ARL15: variants seen among roughly 807,000 people sequenced by gnomAD.
ARL15 encodes ADP-ribosylation factor-like protein 15.
Under a neutral mutation model 25.2 loss-of-function variants are expected in ARL15, and 19 were observed. The ratio of observed to expected loss-of-function variants is 0.75; its 90% CI spans 0.53 to 1.10. The LOEUF is 1.10. ARL15 is among the 50% of genes least tolerant of loss of function. The pLI is 0.00. For synonymous variants in ARL15, 94 were observed against 86.8 expected (o/e 1.08, Z -0.46); for missense variants, 220 against 246.0 (o/e 0.89, Z 0.71).
chr5:54,162,024 CAG>C (rs5867916), intron 2 of ARL15, among the ~76,000 whole-genome samples: 41 of 145,338 alleles, frequency 2.8e-4, no homozygotes, highest in Admixed American at 1.3e-3. Context: ...CACACACACA[CAG>C]AGAGAGATAC....
chr5:54,239,474 C>A (rs1340675633), intron 1 of ARL15, among the ~76,000 whole-genome samples: 1 of 152,128 alleles, frequency 6.6e-6, no homozygotes, highest in Non-Finnish European at 1.5e-5. Context: ...TCTGGATTGG[C>A]ATAAGGGAGT....
At chr5:54,132,457 A>C (rs1469507419) in intron 3 of ARL15, among the ~76,000 whole-genome samples, 1 of 152,184 alleles carries the variant, frequency 6.6e-6, no homozygotes, top group Non-Finnish European at 1.5e-5. Context: ...TTTCACTAAA[A>C]ACAGTCATAT....
chr5:54,158,624 C>T (rs1654129738), intron 2 of ARL15, among the ~76,000 whole-genome samples: 1 of 152,196 alleles, frequency 6.6e-6, no homozygotes, highest in African/African-American at 2.4e-5. Context: ...CCTGTAATCC[C>T]AGCACTTTGG....
At chr5:54,015,307 A>C (rs1489287418) in intron 4 of ARL15, among the ~76,000 whole-genome samples, 1 of 150,326 alleles carries the variant, frequency 6.7e-6, no homozygotes, top group East Asian at 2.0e-4. Context: ...AAAAAAAAAC[A>C]AAAACAAAAA....
chr5:54,060,147 A>AAAAC (rs1163754482), intron 4 of ARL15, among the ~76,000 whole-genome samples: 15 of 150,618 alleles, frequency 1.0e-4, no homozygotes, highest in African/African-American at 3.7e-4. Flanking sequence ...AAAAAAAAAA[A>AAAAC]AAAAACCCCG....
At chr5:53,926,282 A>G (rs963802005) in intron 4 of ARL15, among the ~76,000 whole-genome samples, 1 of 152,150 alleles carries the variant, frequency 6.6e-6, no homozygotes, top group Non-Finnish European at 1.5e-5. Flanking sequence ...TTACTAGATC[A>G]TAGAAGTCAG....
chr5:54,133,070 C>T (rs1753485718), intron 3 of ARL15, among the ~76,000 whole-genome samples: 1 of 152,228 alleles, frequency 6.6e-6, no homozygotes, highest in Non-Finnish European at 1.5e-5. Context: ...TATCAAGAGC[C>T]TTACGATGTT....
intron 1 of ARL15, among the ~76,000 whole-genome samples, chr5:54,266,544 T>C (rs1561288508): frequency 6.6e-6 from 1 of 152,180 alleles, no homozygotes; most frequent in African/African-American, 2.4e-5. Flanking sequence ...GTGGTTTAAG[T>C]GGGTTCCTGT....
intron 1 of ARL15, among the ~76,000 whole-genome samples, chr5:54,226,178 G>A (rs1037669762): frequency 3.3e-5 from 5 of 152,178 alleles, no homozygotes; most frequent in African/African-American, 9.7e-5. Flanking sequence ...CAGCTGACAC[G>A]GTGGACTGGG....
At chr5:54,272,569 A>G (rs1757817189) in intron 1 of ARL15, among the ~76,000 whole-genome samples, 1 of 152,088 alleles carries the variant, frequency 6.6e-6, no homozygotes, top group Non-Finnish European at 1.5e-5. Flanking sequence ...TAAGTTCCTA[A>G]GTTAAATAAC....
chr5:54,211,496 G>T, intron 1 of ARL15, among the ~76,000 whole-genome samples: 1 of 113,724 alleles, frequency 8.8e-6, no homozygotes, highest in African/African-American at 3.4e-5. Context: ...TTGAGACAGA[G>T]TTTCACTTTT....
chr5:53,991,568 G>C (rs868364936), intron 4 of ARL15, among the ~76,000 whole-genome samples: 1 of 136,290 alleles, frequency 7.3e-6, no homozygotes, highest in Non-Finnish European at 1.6e-5. Context: ...AAAAGGGGGG[G>C]CGGGGGGCAA....
intron 4 of ARL15, among the ~76,000 whole-genome samples, chr5:54,002,460 A>G (rs938133960): frequency 1.3e-5 from 2 of 152,230 alleles, no homozygotes; most frequent in African/African-American, 4.8e-5. Context: ...TTAGCTTAAA[A>G]GAAGAAGTTG....
chr5:54,119,736 T>C (rs966832822), intron 3 of ARL15, among the ~76,000 whole-genome samples: 2 of 152,244 alleles, frequency 1.3e-5, no homozygotes, highest in African/African-American at 4.8e-5. Context: ...TTTCCACCCT[T>C]ATGCATTTGG....
intron 1 of ARL15, among the ~76,000 whole-genome samples, chr5:54,208,723 G>T (rs1316838585): frequency 6.6e-6 from 1 of 152,162 alleles, no homozygotes; most frequent in Non-Finnish European, 1.5e-5. Context: ...GAACTTTGGA[G>T]TAAGCTAAAG....
At chr5:54,055,472 T>G (rs1750839295) in intron 4 of ARL15, among the ~76,000 whole-genome samples, 1 of 149,596 alleles carries the variant, frequency 6.7e-6, no homozygotes, top group Non-Finnish European at 1.5e-5. Flanking sequence ...GCGATTCTCC[T>G]GCCTCAGCCT....
chr5:54,045,421 T>G (rs1469698110), intron 4 of ARL15, among the ~76,000 whole-genome samples: 1 of 152,170 alleles, frequency 6.6e-6, no homozygotes, highest in African/African-American at 2.4e-5. Flanking sequence ...TCCTAAAGAT[T>G]CTAGTTCTGT....
At chr5:54,195,933 T>G (rs1302038558) in intron 1 of ARL15, among the ~76,000 whole-genome samples, 3 of 152,118 alleles carry the variant, frequency 2.0e-5, no homozygotes, top group African/African-American at 7.2e-5. Flanking sequence ...AGAGTTTCAG[T>G]GCTCCCCTTC....
At chr5:53,935,677 T>A (rs1746328284) in intron 4 of ARL15, among the ~76,000 whole-genome samples, 1 of 152,224 alleles carries the variant, frequency 6.6e-6, no homozygotes, top group African/African-American at 2.4e-5. Flanking sequence ...CTGATTTGCA[T>A]GTTGACAGCC....
Sources: allele counts gnomAD v4.1 joint callset (sites outside exome capture counted in the v4.1 genomes callset), GRCh38; gene constraint gnomAD v4.1.1; transcripts MANE v1.5; gene names NCBI Gene and HGNC (gene_info 2026-07-23, HGNC 2026-07-21).